Variants in CTPS1 observed in about 807,000 individuals in gnomAD.
The protein encoded by CTPS1 is CTP synthase 1, also known as CTP synthetase 1.
Under a neutral mutation model 80.5 loss-of-function variants are expected in CTPS1, and 25 were observed. The ratio of observed to expected loss-of-function variants is 0.31; its 90% CI spans 0.23 to 0.43. The LOEUF is 0.43. Among genes scored for constraint, CTPS1 ranks in the 20% least tolerant of loss-of-function variants. The pLI, the probability that CTPS1 is intolerant of heterozygous loss-of-function variation, is 1.00. For missense variants in CTPS1, 442 were observed against 725.7 expected (o/e 0.61, Z 4.49); for synonymous variants, 267 against 252.5 (o/e 1.06, Z -0.54).
intron 8 of CTPS1, among the ~76,000 whole-genome samples, chr1:40,996,849 A>T (rs547505277): frequency 6.6e-6 from 1 of 152,268 alleles, no homozygotes; most frequent in South Asian, 2.1e-4. Flanking sequence ...CTATTTTGTG[A>T]ATGTCCCATA....
chr1:40,995,408 T>C (rs1239282625), intron 7 of CTPS1, among the ~76,000 whole-genome samples: 1 of 150,708 alleles, frequency 6.6e-6, no homozygotes, highest in Non-Finnish European at 1.5e-5. Flanking sequence ...TTTTTTTTTT[T>C]TTTGAGACAG....
chr1:41,006,023 T>C, intron 12 of CTPS1, 28 bp from the exon 13 acceptor site: 3 of 1,587,982 alleles, frequency 1.9e-6, no homozygotes, highest in Non-Finnish European at 2.6e-6. Context: ...TTGTAACTAT[T>C]TTCATAACAA....
chr1:40,992,850 C>T (rs1180903267), intron 7 of CTPS1, among the ~76,000 whole-genome samples: 2 of 151,686 alleles, frequency 1.3e-5, no homozygotes, highest in Non-Finnish European at 2.9e-5. Context: ...TGCACCACCA[C>T]TCCTGGCTAA....
rs150821317 is a variant in CTPS1, at chr1:41,003,115, C to T, written c.1191C>T (p.Gly397=). ...TTGTTTTTTCCCCCCGACTGGAAGG[C>T]GTGTGCTTAGGGATGCAGTTGGCAG... ...WARNQKKPFL[G]VCLGMQLAVV... is the part of the protein sequence containing the mutation. The change falls in exon 12 of 19, where the codon GGC becomes GGT. Residue 397 remains glycine, a splice_region_variant and synonymous_variant. Transcript: ENST00000650070. 1.5e-4 allele frequency: 243 copies of T among 1,613,986 alleles called. No individual in the cohort carries two copies. The African/African-American group carries it at 2.6e-3, about 17-fold the overall frequency.
chr1:41,004,269 T>G (rs1439657647), intron 12 of CTPS1: 2 of 152,232 alleles, frequency 1.3e-5, no homozygotes, highest in African/African-American at 4.8e-5. Flanking sequence ...CAGTTTGACT[T>G]TATAAAGAAC....
At chr1:41,002,718 C>T (rs541479129) in intron 11 of CTPS1, among the ~76,000 whole-genome samples, 15 of 152,282 alleles carry the variant, frequency 9.9e-5, no homozygotes, top group African/African-American at 3.4e-4. Flanking sequence ...CGGTGGTTCA[C>T]ACCTGTAAAC....
chr1:40,980,860 C>G lies in CTPS1; in HGVS notation c.-14+1031C>G. 1.3e-5 allele frequency: 2 copies of G among 153,160 alleles called. 1 individual carries two copies. Among genetic ancestry groups the G allele is most frequent in the Non-Finnish European group, 2.9e-5 (2 of 68,788 alleles). 9.5% of individuals were successfully genotyped at this position (153,160 alleles called of 1,614,324 possible). A position where few individuals can be genotyped will look rare whatever the true frequency, so the allele number is the denominator to read the frequency against. On this transcript the variant is annotated intron_variant, in intron 1 of 18. Coordinates refer to ENST00000650070, the MANE Select transcript of CTPS1 (RefSeq NM_001905.4). The stretch of plus-strand genomic sequence containing the variant: ...ATCCCTGCTTCCCCGCCTTCCCCCT[C>G]ACGGCCTTACCTCTGTTCTCTGTAG...
intron 5 of CTPS1, among the ~76,000 whole-genome samples, chr1:40,990,606 A>T (rs1017189630): frequency 1.3e-5 from 2 of 151,998 alleles, no homozygotes; most frequent in Admixed American, 1.3e-4. Flanking sequence ...GCAATGTGAC[A>T]AGAGCCTGTC....
intron 3 of CTPS1, among the ~76,000 whole-genome samples, chr1:40,986,156 GAGACGTCTGTC>G (rs1642446721): frequency 6.6e-6 from 1 of 152,224 alleles, no homozygotes; most frequent in African/African-American, 2.4e-5. Context: ...GAAACAAAAC[GAGACGTCTGTC>G]AGAAGCTGTG....
intron 4 of CTPS1, 143 bp from the exon 5 acceptor site, chr1:40,988,451 T>C: frequency 1.6e-6 from 1 of 641,840 alleles, no homozygotes; most frequent in South Asian, 1.9e-5. Context: ...TCCTGTTAAC[T>C]GTTAACTAAC....
chr1:40,991,615 T>A, intron 6 of CTPS1, 150 bp from the exon 7 acceptor site: 1 of 597,796 alleles, frequency 1.7e-6, no homozygotes, highest in Non-Finnish European at 3.0e-6. Flanking sequence ...AAACGAGTCA[T>A]AATATTTTTA....
Position 41,007,527 on chromosome 1 carries a change from A to G in CTPS1, c.1375A>G (p.Thr459Ala). The G allele has an allele frequency of 1.9e-6, 3 of 1,614,112 alleles. No homozygotes were observed. The highest frequency in any genetic ancestry group is 2.5e-6 in the Non-Finnish European group (3 of 1,180,030). The part of the protein sequence containing the change: ...RLGKRRTLFQ[T>A]KNSVMRKLYG... Reference sequence around the variant, plus strand: ...GGGCAAGAGGAGAACCCTGTTCCAGACCAAGAACTCAGTCATGAGTAAGAG... The same window carrying G: ...GGGCAAGAGGAGAACCCTGTTCCAGGCCAAGAACTCAGTCATGAGTAAGAG... Residue 459 changes from threonine to alanine, a missense_variant, in exon 14 of 19, where the codon ACC (threonine) becomes GCC (alanine). Coordinates refer to ENST00000650070, the MANE Select transcript of CTPS1 (RefSeq NM_001905.4). This position sits in a 1 kb window ranked among gnomAD's most constrained non-coding sequence, Gnocchi z 4.4.
chr1:40,986,175 G>C (rs943823070), intron 3 of CTPS1, among the ~76,000 whole-genome samples: 1 of 152,380 alleles, frequency 6.6e-6, no homozygotes, highest in South Asian at 2.1e-4. Flanking sequence ...GTCAGAAGCT[G>C]TGAAGAAACC....
At chr1:41,000,274 G>A (rs547534280) in intron 9 of CTPS1, among the ~76,000 whole-genome samples, 2 of 151,842 alleles carry the variant, frequency 1.3e-5, no homozygotes, top group Non-Finnish European at 2.9e-5. Context: ...ATGGAGTCTC[G>A]CTCTGTCACC....
intron 9 of CTPS1, 22 bp from the exon 10 acceptor site, chr1:41,001,007 C>G (rs777231151): frequency 4.5e-6 from 7 of 1,568,478 alleles, no homozygotes; most frequent in South Asian, 3.5e-5. Flanking sequence ...CTGCTTTTCT[C>G]CCCTGTCTGA....
chr1:41,007,317 A>G lies in CTPS1; in HGVS notation c.1297-132A>G, dbSNP rs985403761. On this transcript the variant is annotated intron_variant, in intron 13 of 18. Coordinates refer to ENST00000650070, the MANE Select transcript of CTPS1 (RefSeq NM_001905.4). The surrounding 1 kb of genome is among the most constrained non-coding windows in gnomAD (Gnocchi z 4.4). ...ACTGGGAGGCATTTTCTTCTGTGAC[A>G]AAATGTCTCATAAGGAAAGCCTGGA... 2 of 748,994 alleles carry G rather than the reference A, an allele frequency of 2.7e-6. No homozygotes were observed. The highest frequency in any genetic ancestry group is 5.2e-5 in the Admixed American group (2 of 38,440). 46.4% of individuals were successfully genotyped at this position (748,994 alleles called of 1,614,324 possible).
chr1:40,988,203 C>T (rs925285755), intron 4 of CTPS1, among the ~76,000 whole-genome samples: 19 of 152,056 alleles, frequency 1.2e-4, no homozygotes, highest in African/African-American at 2.9e-4. Context: ...TGTGAGCCAC[C>T]GTGCCCAGCC....
chr1:40,992,224 GTGT>G (rs1642629574), intron 7 of CTPS1, among the ~76,000 whole-genome samples: 1 of 152,206 alleles, frequency 6.6e-6, no homozygotes, highest in Admixed American at 6.5e-5. Context: ...CGAAGACATA[GTGT>G]TGTCTGAGAA....
intron 4 of CTPS1, 101 bp from the exon 5 acceptor site, chr1:40,988,493 A>C: frequency 2.6e-6 from 2 of 765,946 alleles, no homozygotes; most frequent in African/African-American, 1.7e-5. Flanking sequence ...CGTGTTACAT[A>C]ATTACTGATA....
Sources: allele counts gnomAD v4.1 joint callset (sites outside exome capture counted in the v4.1 genomes callset), GRCh38; gene constraint gnomAD v4.1.1; non-coding constraint Gnocchi (gnomAD v3.1); transcripts MANE v1.5; gene names NCBI Gene and HGNC (gene_info 2026-07-23, HGNC 2026-07-21).